The following CHST1 variants were observed in gnomAD, a reference collection of about 807,000 sequenced individuals.
CHST1 encodes Keratan sulfotransferase.
In CHST1, 10 loss-of-function variants were observed where a neutral mutation model predicts 22.5. That is an observed-to-expected ratio of 0.44 (90% CI 0.27 to 0.75). The LOEUF is 0.75. Among genes scored for constraint, CHST1 ranks in the 30% least tolerant of loss-of-function variants. The pLI is 0.15. For missense variants in CHST1, 439 were observed against 576.1 expected, an observed-to-expected ratio of 0.76 and a Z score of 2.44; for synonymous variants, 267 against 264.5, an observed-to-expected ratio of 1.01 and a Z score of -0.09.
At chr11:45,654,310 C>G (rs1368221071) in intron 1 of CHST1, among the ~76,000 whole-genome samples, 1 of 152,210 alleles carries the variant, frequency 6.6e-6, no homozygotes, top group Non-Finnish European at 1.5e-5. Context: ...CCTAAGACAG[C>G]GAGACTCGGC....
chr11:45,661,955 G>A (rs572681959), intron 1 of CHST1, among the ~76,000 whole-genome samples: 36 of 152,290 alleles, frequency 2.4e-4, no homozygotes, highest in African/African-American at 8.2e-4. Flanking sequence ...CCAGCAGGCA[G>A]GACAATAACA....
At chr11:45,657,613 C>T (rs867484610) in intron 1 of CHST1, among the ~76,000 whole-genome samples, 3 of 152,206 alleles carry the variant, frequency 2.0e-5, no homozygotes, top group South Asian at 4.1e-4. Flanking sequence ...AGACGAGTTT[C>T]ATGGGACAGT....
chr11:45,660,091 T>C (rs1330996183), intron 1 of CHST1, among the ~76,000 whole-genome samples: 1 of 152,232 alleles, frequency 6.6e-6, no homozygotes, highest in Non-Finnish European at 1.5e-5. Context: ...TAGAACACAA[T>C]GGCGGCTGCT....
rs1164100450 is a variant in CHST1 at position 45,650,566 on chromosome 11, T to A, written c.358A>T (p.Ser120Cys). Residue 120 changes from serine to cysteine, a missense_variant, in exon 4 of 4, where the codon AGC (serine) becomes TGC (cysteine). Transcript: ENST00000308064. The stretch of plus-strand genomic sequence containing the variant: ...TAGAGGCTCCGCAGGAGGTCGCGGC[T>A]GGCGCCTAGCATGACCCGCCGGTCG... ...PADRRVMLGASRDLLRSLYDC... is the reference protein window; with the variant it reads ...PADRRVMLGACRDLLRSLYDC... The A allele has an allele frequency of 6.2e-7, 1 of 1,613,740 alleles. No individual in the cohort carries two copies. The highest frequency in any genetic ancestry group is 8.5e-7 in the Non-Finnish European group (1 of 1,179,970).
In CHST1 at chr11:45,651,048, G is replaced by A; in HGVS notation, c.-42-83C>T. ...CCTTGGAAGAGCCGGTCTCCAAGGG[G>A]CCCAGGGAAAGGCCCGGCTCCTGTC... On this transcript the variant is annotated intron_variant, in intron 3 of 3. Coordinates refer to ENST00000308064, the MANE Select transcript of CHST1 (RefSeq NM_003654.6). 3.8e-6 allele frequency: 4 copies of A among 1,045,602 alleles called. No individual in the cohort carries two copies. The South Asian group carries it at 5.6e-5, about 15-fold the overall frequency. 64.8% of individuals were successfully genotyped at this position (1,045,602 alleles called of 1,614,324 possible). A position where few individuals can be genotyped will look rare whatever the true frequency, so the allele number is the denominator to read the frequency against.
At chr11:45,654,786 C>T (rs1852042312) in intron 1 of CHST1, among the ~76,000 whole-genome samples, 1 of 152,214 alleles carries the variant, frequency 6.6e-6, no homozygotes, top group Non-Finnish European at 1.5e-5. Flanking sequence ...CTTTCACTCC[C>T]AGGAGAAAGC....
Position 45,650,351 on chromosome 11 carries a change from G to T in CHST1, c.573C>A (p.Thr191=), listed in dbSNP as rs139471113. Residue 191 remains threonine (T), a synonymous_variant, in exon 4 of 4, where the codon ACC becomes ACA. Coordinates refer to ENST00000308064, the MANE Select transcript of CHST1 (RefSeq NM_003654.6). ...GCTCGCGGCACGCCTCGGCCGCCAC[G>T]GTCAGGTTGAGTAGCCCGCACTTGC... is the stretch of plus-strand genomic sequence containing the variant. ...CVRKCGLLNL[T]VAAEACRERS... is the part of the protein sequence containing the mutation. 5 of 1,603,264 alleles carry T rather than the reference G, an allele frequency of 3.1e-6. No individual in the cohort carries two copies. Among genetic ancestry groups the T allele is most frequent in the Non-Finnish European group, 4.2e-6 (5 of 1,179,726 alleles).
chr11:45,659,381 G>T (rs10742762), intron 1 of CHST1, among the ~76,000 whole-genome samples: 1 of 152,082 alleles, frequency 6.6e-6, no homozygotes, highest in Non-Finnish European at 1.5e-5. Context: ...CAAGGTTGCC[G>T]CCAGGGTCCC....
intron 3 of CHST1, 69 bp from the exon 4 acceptor site, chr11:45,651,034 C>A: frequency 8.1e-7 from 1 of 1,227,044 alleles, no homozygotes; most frequent in South Asian, 1.7e-5. Context: ...CTTGGAAGAG[C>A]CGGTCTCCAA....
intron 1 of CHST1, among the ~76,000 whole-genome samples, chr11:45,661,833 A>AGGGCC (rs1000696577): frequency 6.6e-6 from 1 of 152,172 alleles, no homozygotes; most frequent in Admixed American, 6.5e-5. Flanking sequence ...GTGAGAGAGA[A>AGGGCC]GGGCCGGTAA....
Position 45,649,683 on chromosome 11 carries a change from C to T in CHST1, c.*5G>A. 7 of 1,553,580 alleles carry T rather than the reference C, an allele frequency of 4.5e-6. No homozygotes were observed. Among genetic ancestry groups the T allele is most frequent in the South Asian group, 1.2e-5 (1 of 83,260 alleles). ...CGCCTCCCGCCCCCACCCGCACCGC[C>T]CGGGTCACGAGAAGGGGCGGAAGTC... On this transcript the variant is annotated 3_prime_UTR_variant, in exon 4 of 4. Transcript: ENST00000308064.
intron 1 of CHST1, among the ~76,000 whole-genome samples, chr11:45,658,053 T>C (rs1852084373): frequency 6.6e-6 from 1 of 152,172 alleles, no homozygotes; most frequent in Non-Finnish European, 1.5e-5. Flanking sequence ...GTCCACATGA[T>C]ACCCATGGAT....
chr11:45,663,857 T>C (rs890525111), intron 1 of CHST1, among the ~76,000 whole-genome samples: 5 of 152,056 alleles, frequency 3.3e-5, no homozygotes, highest in Admixed American at 1.3e-4. Flanking sequence ...GGGAGGGGAA[T>C]TGAATAGGTT....
Position 45,650,290 on chromosome 11 carries a change from C to T in CHST1, c.634G>A (p.Glu212Lys). 1.2e-6 allele frequency: 2 copies of T among 1,605,530 alleles called. No homozygotes were observed. Among genetic ancestry groups the T allele is most frequent in the Non-Finnish European group, 1.7e-6 (2 of 1,179,486 alleles). The change falls in exon 4 of 4, where the codon GAG becomes AAG. Residue 212 changes from glutamate (E) to lysine (K), a missense_variant. Physicochemically the swap from Glu to Lys is moderately conservative, Grantham distance 56. Transcript: ENST00000308064. ...ACCAGGGCGCGCAGGTCGTTCACCT[C>T]GGGCACGCGCACCGTCTTGATGGCC... Reference protein sequence around the residue: ...HVAIKTVRVPEVNDLRALVED... With the variant: ...HVAIKTVRVPKVNDLRALVED...
At chr11:45,653,083 T>G (rs1376483573) in intron 1 of CHST1, among the ~76,000 whole-genome samples, 1 of 152,250 alleles carries the variant, frequency 6.6e-6, no homozygotes, top group Admixed American at 6.5e-5. Flanking sequence ...TCACAGCTGA[T>G]AGGGTGAACT....
rs1339814213 is a variant in CHST1, at chr11:45,648,504, G to A, written c.*1184C>T. Among the ~76,000 whole-genome samples the A allele has an allele frequency of 6.7e-6, 1 of 148,570 alleles. No individual in the cohort carries two copies. The highest frequency in any genetic ancestry group is 1.5e-5 in the Non-Finnish European group (1 of 67,562). On this transcript the variant is annotated 3_prime_UTR_variant, in exon 4 of 4. Transcript: ENST00000308064. The stretch of plus-strand genomic sequence containing the variant: ...TCGCGACCAGCCTGGACAACACGGT[G>A]AAACCCCGTCTCTACTAAAATCCAA...
In CHST1 at chr11:45,649,566, GGGGCAGGAAGGACA is replaced by G; in HGVS notation, c.*108_*121del. On this transcript the variant is annotated 3_prime_UTR_variant, in exon 4 of 4. Transcript: ENST00000308064. ...GGGCAGAAGGGAGTGGGGTGAGCTG[GGGGCAGGAAGGACA>G]CGAAGATGAGGTGGGAGAGGGAGGG... 1 of 1,034,266 alleles carries G rather than the reference GGGGCAGGAAGGACA, an allele frequency of 9.7e-7. No homozygotes were observed. Among genetic ancestry groups the G allele is most frequent in the South Asian group, 1.5e-5 (1 of 64,632 alleles). 64.1% of individuals were successfully genotyped at this position (1,034,266 alleles called of 1,614,324 possible). A position where few individuals can be genotyped will look rare whatever the true frequency, so the allele number is the denominator to read the frequency against.
At chr11:45,662,293 G>C (rs1447572) in intron 1 of CHST1, among the ~76,000 whole-genome samples, 152,294 of 152,334 alleles carry the variant, frequency 1, 76,127 homozygotes, top group Non-Finnish European at 1. Context: ...GCTGACCCCT[G>C]CCTTTAGCGG....
rs557855250 is a variant in CHST1, at chr11:45,663,597, T to A, written c.-227+1581A>T. On this transcript the variant is annotated intron_variant, in intron 1 of 3. Transcript: ENST00000308064. ...AGTGAAGGGGGCTGGGGGTGGCACCTGGCCATGATTTTGAAGACCCAGCAG... is the reference window on the plus strand; with the variant it reads ...AGTGAAGGGGGCTGGGGGTGGCACCAGGCCATGATTTTGAAGACCCAGCAG... Among the ~76,000 whole-genome samples the A allele has an allele frequency of 8.5e-5, 13 of 152,272 alleles. No homozygotes were observed. In the East Asian group the frequency reaches 2.5e-3, roughly 30 times the overall value.
Sources: gnomAD v4.1 joint callset for allele counts (sites outside exome capture counted in the v4.1 genomes callset) on GRCh38, gnomAD v4.1.1 for gene constraint, MANE v1.5 for transcripts, NCBI Gene and HGNC (gene_info 2026-07-23, HGNC 2026-07-21) for gene names.